NEK10: variants seen among roughly 807,000 people sequenced by gnomAD.
The protein encoded by NEK10 is NIMA related kinase 10.
NEK10 carries 122 observed loss-of-function variants against 159.8 expected under a neutral mutation model. That is an observed-to-expected ratio of 0.76 (90% confidence interval 0.66 to 0.89). NEK10 has a LOEUF of 0.89. Ranked by LOEUF, NEK10 falls within the 40% of genes least tolerant of loss-of-function variation. The pLI is 0.00. For missense variants in NEK10, 1,342 were observed against 1,323.1 expected (o/e 1.01, Z -0.22); for synonymous variants, 466 against 457.1 (o/e 1.02, Z -0.25).
chr3:27,314,424 G>A, intron 6 of NEK10, 86 bp from the exon 7 acceptor site: 1 of 807,034 alleles, frequency 1.2e-6, no homozygotes, highest in Non-Finnish European at 2.1e-6. Context: ...TTACTAAGTT[G>A]TCATATTTAT....
At chr3:27,354,095 GA>G (rs529795556) in intron 1 of NEK10, among the ~76,000 whole-genome samples, 54 of 152,216 alleles carry the variant, frequency 3.5e-4, no homozygotes, top group African/African-American at 1.3e-3. Context: ...AAATACAGAA[GA>G]AATACTCTAC....
chr3:27,215,761 G>A, intron 23 of NEK10: 1 of 714,590 alleles, frequency 1.4e-6, no homozygotes, highest in East Asian at 2.7e-5. Flanking sequence ...GAACCATGAT[G>A]GCATTTGCTT....
chr3:27,270,086 T>C (rs1575532779), intron 22 of NEK10, among the ~76,000 whole-genome samples: 1 of 152,208 alleles, frequency 6.6e-6, no homozygotes, highest in African/African-American at 2.4e-5. Context: ...TGGTAACTCA[T>C]GGCTAATGAA....
At chr3:27,112,671 T>A (rs1559467956) in intron 35 of NEK10, among the ~76,000 whole-genome samples, 1 of 152,194 alleles carries the variant, frequency 6.6e-6, no homozygotes, top group Non-Finnish European at 1.5e-5. Context: ...TTATAGTACA[T>A]CTCAGAGTCT....
At chr3:27,162,131 T>C in intron 30 of NEK10, 2 of 257,820 alleles carry the variant, frequency 7.8e-6, no homozygotes, top group South Asian at 8.2e-5. Flanking sequence ...GTGTAGAGTT[T>C]ACAGAAATAC....
chr3:27,354,713 T>C (rs1047106366), intron 1 of NEK10, among the ~76,000 whole-genome samples: 1 of 152,176 alleles, frequency 6.6e-6, no homozygotes. Flanking sequence ...GACAATGTAT[T>C]AAGAAAGCAT....
At chr3:27,283,673 T>C (rs1256555424) in intron 22 of NEK10, among the ~76,000 whole-genome samples, 1 of 152,116 alleles carries the variant, frequency 6.6e-6, no homozygotes, top group Admixed American at 6.5e-5. Context: ...AAGTTATGAG[T>C]AAGAATTCAA....
intron 12 of NEK10, among the ~76,000 whole-genome samples, chr3:27,302,679 T>A (rs1365367650): frequency 6.6e-6 from 1 of 152,206 alleles, no homozygotes; most frequent in Non-Finnish European, 1.5e-5. Flanking sequence ...TGTATTTATT[T>A]TTTATAGCAG....
chr3:27,199,931 G>A (rs1482537571), intron 25 of NEK10, among the ~76,000 whole-genome samples: 1 of 152,104 alleles, frequency 6.6e-6, no homozygotes, highest in African/African-American at 2.4e-5. Flanking sequence ...ATCCATAAAG[G>A]GGAACAGCAG....
At chr3:27,113,464 C>CA (rs1469336425) in intron 35 of NEK10, among the ~76,000 whole-genome samples, 2 of 140,660 alleles carry the variant, frequency 1.4e-5, no homozygotes, top group African/African-American at 2.6e-5. Context: ...AAAAAGAAGC[C>CA]AAAAAGGGAA....
intron 25 of NEK10, chr3:27,194,605 A>G (rs1198590668): frequency 1.3e-5 from 2 of 152,212 alleles, no homozygotes; most frequent in African/African-American, 2.4e-5. Flanking sequence ...ACCTTATTCA[A>G]TTACATTCAT....
At chr3:27,190,968 C>A (rs577464153) in intron 26 of NEK10, among the ~76,000 whole-genome samples, 2 of 152,230 alleles carry the variant, frequency 1.3e-5, no homozygotes, top group Non-Finnish European at 2.9e-5. Context: ...GAATGTTCTG[C>A]AAAATTACAT....
chr3:27,243,038 T>A (rs112657575), intron 23 of NEK10, among the ~76,000 whole-genome samples: 1 of 152,178 alleles, frequency 6.6e-6, no homozygotes, highest in African/African-American at 2.4e-5. Flanking sequence ...TGTTTTAAAA[T>A]GTTTTAAAGG....
In NEK10 at chr3:27,201,563, A is replaced by G. The variant is rs772141602; in HGVS notation, c.2238T>C (p.Tyr746=). 1.2e-6 allele frequency: 2 copies of G among 1,613,886 alleles called. No homozygotes were observed. Among genetic ancestry groups the G allele is most frequent in the South Asian group, 1.1e-5 (1 of 91,070 alleles). Residue 746 remains tyrosine, a synonymous_variant, in exon 25 of 36, where the codon TAT becomes TAC. Coordinates refer to ENST00000691995, the MANE Select transcript of NEK10 (RefSeq NM_001394966.1). ...AGTAGATACCTTCTGGGACTGGTTC[A>G]TATACCGCCTCCACTATCTGCAAAA... ...SLATKIVEAV[Y]EPVPEGIYSE... is the part of the protein sequence containing the mutation.
chr3:27,169,813 T>C (rs1338483092), intron 29 of NEK10, among the ~76,000 whole-genome samples: 3 of 152,130 alleles, frequency 2.0e-5, no homozygotes, highest in Non-Finnish European at 4.4e-5. Flanking sequence ...CAAGCACCCC[T>C]GATGGACTAG....
At chr3:27,277,101 T>G (rs1056897827) in intron 22 of NEK10, among the ~76,000 whole-genome samples, 1 of 152,152 alleles carries the variant, frequency 6.6e-6, no homozygotes, top group African/African-American at 2.4e-5. Context: ...TTTCTAGATT[T>G]TACCCAAGCA....
chr3:27,258,777 C>A (rs1296103945), intron 22 of NEK10, among the ~76,000 whole-genome samples: 1 of 152,160 alleles, frequency 6.6e-6, no homozygotes, highest in East Asian at 1.9e-4. Context: ...AGTTCTAGAT[C>A]CCTGAGGAAT....
intron 1 of NEK10, among the ~76,000 whole-genome samples, chr3:27,358,175 G>A (rs1188149170): frequency 1.3e-5 from 2 of 152,152 alleles, no homozygotes; most frequent in Non-Finnish European, 2.9e-5. Flanking sequence ...CTAATGAGAA[G>A]GTGGAAATTA....
intron 15 of NEK10, among the ~76,000 whole-genome samples, chr3:27,295,010 C>A (rs1046933421): frequency 1.3e-5 from 2 of 152,124 alleles, no homozygotes; most frequent in Non-Finnish European, 2.9e-5. Flanking sequence ...TCTCCCAACA[C>A]CCACTCCTCA....
Sources: gnomAD v4.1 joint callset for allele counts (sites outside exome capture counted in the v4.1 genomes callset) on GRCh38, gnomAD v4.1.1 for gene constraint, MANE v1.5 for transcripts, NCBI Gene and HGNC (gene_info 2026-07-23, HGNC 2026-07-21) for gene names.